The following ZFHX2 variants were observed in gnomAD, a reference collection of about 807,000 sequenced individuals.
ZFHX2 encodes zinc finger homeobox protein 2.
A neutral mutation model predicts 164.8 loss-of-function variants in ZFHX2; 75 were observed. The observed-to-expected ratio is 0.46, with a 90% confidence interval of 0.38 to 0.55. ZFHX2 has a LOEUF of 0.55. Ranked by LOEUF, ZFHX2 falls within the 20% of genes least tolerant of loss-of-function variation. ZFHX2 has a pLI of 0.00. For synonymous variants in ZFHX2, 1,217 were observed against 1,351.4 expected (o/e 0.90, Z 2.18); for missense variants, 2,933 against 3,308.0 (o/e 0.89, Z 2.78).
In ZFHX2 at chr14:23,535,790, C is replaced by T. The variant is rs991954440; in HGVS notation, c.-49-416G>A. 6.6e-6 allele frequency among the ~76,000 whole-genome samples: 1 copy of T among 152,096 alleles called. No homozygotes were observed. The highest frequency in any genetic ancestry group is 1.5e-5 in the Non-Finnish European group (1 of 68,022). The stretch of plus-strand genomic sequence containing the variant: ...TATTTTTAGTAGAGACGGGGTTTCT[C>T]CGTGTTGGTCAGGCTGGTCTCTAAC... On this transcript the variant is annotated intron_variant, in intron 1 of 9. Coordinates refer to ENST00000419474, the MANE Select transcript of ZFHX2 (RefSeq NM_033400.3). The surrounding 1 kb of genome is among the most constrained non-coding windows in gnomAD (Gnocchi z 4.5).
Position 23,525,784 on chromosome 14 carries a change from C to T in ZFHX2, c.4158G>A (p.Val1386=). 3 of 1,498,472 alleles carry T rather than the reference C, an allele frequency of 2.0e-6. No homozygotes were observed. Among genetic ancestry groups the T allele is most frequent in the South Asian group, 1.3e-5 (1 of 76,730 alleles). 92.8% of individuals were successfully genotyped at this position (1,498,472 alleles called of 1,614,324 possible). A position where few individuals can be genotyped will look rare whatever the true frequency, so the allele number is the denominator to read the frequency against. ...GAGGGGTGGCAGCTGGCAGGGACAG[C>T]ACAGGTGCAGGCCCAGCTAGTGTCA... ...PKLTLAGPAP[V]LSLPAATPPP... Residue 1386 remains valine (V), a synonymous_variant, in exon 9 of 10, where the codon GTG becomes GTA. Coordinates refer to ENST00000419474, the MANE Select transcript of ZFHX2 (RefSeq NM_033400.3). This position sits in a 1 kb window ranked among gnomAD's most constrained non-coding sequence, Gnocchi z 5.9.
chr14:23,528,731 C>A (rs959874372), intron 6 of ZFHX2: 9 of 985,414 alleles, frequency 9.1e-6, no homozygotes, highest in Non-Finnish European at 1.1e-5. Flanking sequence ...TGAATAAACA[C>A]CACAGCTCCC....
intron 1 of ZFHX2, among the ~76,000 whole-genome samples, chr14:23,539,546 G>T (rs1024301028): frequency 6.6e-6 from 1 of 152,194 alleles, no homozygotes; most frequent in Non-Finnish European, 1.5e-5. Context: ...AAGGACCGGA[G>T]AATTACAAGA....
intron 1 of ZFHX2, among the ~76,000 whole-genome samples, chr14:23,536,196 A>AC (rs1388519191): frequency 1.3e-5 from 2 of 152,094 alleles, no homozygotes; most frequent in African/African-American, 4.8e-5. Flanking sequence ...ACTGCCCGCT[A>AC]CAGTGTATTT....
chr14:23,532,049 T>C (rs1048201981), intron 3 of ZFHX2: 3 of 195,228 alleles, frequency 1.5e-5, no homozygotes, highest in African/African-American at 4.6e-5. Context: ...GTGCCGGGAC[T>C]ACAGGCGTGA....
chr14:23,540,654 C>G (rs973726441), intron 1 of ZFHX2, among the ~76,000 whole-genome samples: 17 of 152,230 alleles, frequency 1.1e-4, no homozygotes, highest in Non-Finnish European at 1.9e-4. Context: ...AATCCTTGCT[C>G]CATCACTCAC....
chr14:23,524,983 AT>A lies in ZFHX2; in HGVS notation c.4958del (p.Asn1653MetfsTer67). On this transcript the variant is annotated frameshift_variant, in exon 9 of 10. Transcript: ENST00000419474. LOFTEE classifies it high-confidence loss of function. The surrounding 1 kb of genome is among the most constrained non-coding windows in gnomAD (Gnocchi z 5.6). ...TTGGCATGGACCCACCCTCACAGGC[AT>A]TTTTGCGTGCTTTCTGGCGGGCATT... Reference protein sequence around the residue: ...FQNARQKARKNACEGGSMPTG... With the variant: ...FQNARQKARKXACEGGSMPTG... 1 of 1,536,122 alleles carries A rather than the reference AT, an allele frequency of 6.5e-7. No individual in the cohort carries two copies. The highest frequency in any genetic ancestry group is 8.7e-7 in the Non-Finnish European group (1 of 1,146,912).
chr14:23,525,474 A>C lies in ZFHX2; in HGVS notation c.4468T>G (p.Ser1490Ala). The stretch of plus-strand genomic sequence containing the variant: ...TGTGTCTTGAGGATAAGCATATTGG[A>C]GAAGAGTTTCCCACAGGCCCCACAG... ...LACGACGKLF[S>A]NMLILKTHEE... The change falls in exon 9 of 10, where the codon TCC becomes GCC. Residue 1490 changes from serine to alanine, a missense_variant. Ser to Ala is a moderately conservative substitution (Grantham distance 99). Transcript: ENST00000419474. This position sits in a 1 kb window ranked among gnomAD's most constrained non-coding sequence, Gnocchi z 5.9. 6.5e-7 allele frequency: 1 copy of C among 1,535,978 alleles called. No individual in the cohort carries two copies. The highest frequency in any genetic ancestry group is 8.7e-7 in the Non-Finnish European group (1 of 1,146,892).
chr14:23,527,817 T>C lies in ZFHX2; in HGVS notation c.2935-13A>G, dbSNP rs759973234. ...GACAGCAGTATACCTGGAGGGAACA[T>C]ATGGGCAGTGGACGAAGTGTCAGGG... On this transcript the variant is annotated splice_polypyrimidine_tract_variant and intron_variant, in intron 6 of 9. Coordinates refer to ENST00000419474, the MANE Select transcript of ZFHX2 (RefSeq NM_033400.3). 73 of 1,533,914 alleles carry C rather than the reference T, an allele frequency of 4.8e-5. No homozygotes were observed. Among genetic ancestry groups the C allele is most frequent in the Non-Finnish European group, 5.9e-5 (68 of 1,146,314 alleles).
At position 23,524,073 on chromosome 14, in the gene ZFHX2, C is replaced by T. The variant is rs942650878; in HGVS notation, c.5869G>A (p.Glu1957Lys). The change falls in exon 9 of 10, where the codon GAA becomes AAA. Residue 1957 changes from glutamate to lysine, a missense_variant. Physicochemically the swap from Glu to Lys is moderately conservative, Grantham distance 56. Transcript: ENST00000419474. The surrounding 1 kb of genome is among the most constrained non-coding windows in gnomAD (Gnocchi z 5.6). ...GCAGGTGCTTCCCTCTTTGGGGCTT[C>T]CCTCCCAGTGCCATCATCTACCTTG... ...LGKVDDGTGR[E>K]APKREAPAFP... The T allele has an allele frequency of 6.6e-7, 1 of 1,521,850 alleles. No homozygotes were observed. The highest frequency in any genetic ancestry group is 1.4e-5 in the African/African-American group (1 of 72,462). The allele number at this position is 1,521,850 out of a possible 1,614,324, so 94.3% of individuals were successfully genotyped here.
intron 1 of ZFHX2, chr14:23,548,392 C>A (rs1182702383): frequency 6.6e-6 from 1 of 152,182 alleles, no homozygotes; most frequent in South Asian, 2.1e-4. Flanking sequence ...CCTACCAATT[C>A]GACCCAGGCC....
At chr14:23,526,702 C>T in intron 8 of ZFHX2, 23 bp from the exon 9 acceptor site, 1 of 1,535,836 alleles carries the variant, frequency 6.5e-7, no homozygotes, top group Non-Finnish European at 8.7e-7. Flanking sequence ...GAAGAAAGTA[C>T]AATGAGGAGG....
At position 23,521,543 on chromosome 14, in the gene ZFHX2, A is replaced by G. The variant is rs2138634888; in HGVS notation, c.*419T>C. 6.2e-6 allele frequency: 1 copy of G among 161,512 alleles called. No individual in the cohort carries two copies. Among genetic ancestry groups the G allele is most frequent in the East Asian group, 1.8e-4 (1 of 5,480 alleles). The allele number at this position is 161,512 out of a possible 1,614,324, so 10.0% of individuals were successfully genotyped here. A position where few individuals can be genotyped will look rare whatever the true frequency, so the allele number is the denominator to read the frequency against. On this transcript the variant is annotated 3_prime_UTR_variant, in exon 10 of 10. Transcript: ENST00000419474. ...AATTTTTTGGTGTTTTCTCAGTGGA[A>G]CATCATGGGATAACGTGTGTGTGTG...
At chr14:23,553,087 ATAAG>A (rs1490192613), upstream of ZFHX2, among the ~76,000 whole-genome samples, 1 of 152,246 alleles carries the variant, frequency 6.6e-6, no homozygotes, top group East Asian at 1.9e-4. Context: ...CCAATGGCCA[ATAAG>A]TAAGTGACAG....
rs928427975 is a variant in ZFHX2 at position 23,534,827 on chromosome 14, T to C, written c.499A>G (p.Thr167Ala). The change falls in exon 2 of 10, where the codon ACT (threonine) becomes GCT (alanine). Residue 167 changes from threonine (T) to alanine (A), a missense_variant. Transcript: ENST00000419474. The surrounding 1 kb of genome is among the most constrained non-coding windows in gnomAD (Gnocchi z 4.5). Reference protein sequence around the residue: ...FLAYPPPSHLTALHIQHGFDP... With the variant: ...FLAYPPPSHLAALHIQHGFDP... ...AAGCCATGTTGGATGTGAAGGGCAG[T>C]GAGGTGTGAGGGGGGTGGGTAGGCA... is the stretch of plus-strand genomic sequence containing the variant. 11 of 1,536,092 alleles carry C rather than the reference T, an allele frequency of 7.2e-6. No individual in the cohort carries two copies. The highest frequency in any genetic ancestry group is 1.7e-4 in the Middle Eastern group (1 of 5,990).
chr14:23,536,487 G>C (rs1305211987), intron 1 of ZFHX2, among the ~76,000 whole-genome samples: 4 of 152,178 alleles, frequency 2.6e-5, no homozygotes, highest in African/African-American at 4.8e-5. Context: ...TCAGTTGAAA[G>C]ATAACAGCTA....
chr14:23,532,545 G>C, intron 3 of ZFHX2, 22 bp downstream of exon 3: 1 of 1,427,898 alleles, frequency 7.0e-7, no homozygotes, highest in Non-Finnish European at 9.1e-7. Context: ...TCTTCCGATG[G>C]CCCTTCCTGA....
Position 23,524,936 on chromosome 14 carries a change from G to A in ZFHX2, c.5006C>T (p.Ala1669Val), listed in dbSNP as rs61977703. 0.014 allele frequency: 22,033 copies of A among 1,536,238 alleles called. 186 individuals are homozygous for A. The highest frequency in any genetic ancestry group is 0.017 in the Non-Finnish European group (19,505 of 1,146,922). The change falls in exon 9 of 10, where the codon GCC becomes GTC. Residue 1669 changes from alanine to valine, a missense_variant. Ala to Val is a moderately conservative substitution (Grantham distance 64). Transcript: ENST00000419474. The surrounding 1 kb of genome is among the most constrained non-coding windows in gnomAD (Gnocchi z 5.6). ...SMPTGGGTGG[A>V]SGCRRCHATF... ...GGCGTGGCAACGCCTGCAGCCGGAG[G>A]CTCCCCCAGTGCCTCCTCCGGTTGG...
Position 23,525,523 on chromosome 14 carries a change from G to A in ZFHX2, c.4419C>T (p.Ala1473=). ...AGGCCAGCTTGTCCCCACCCCCGAG[G>A]GCCTCAGGTGGGGGTGGGGTAGGGG... is the stretch of plus-strand genomic sequence containing the variant. ...PPPPTPPPPE[A]LGGGDKLACG... is the part of the protein sequence containing the mutation. The change falls in exon 9 of 10, where the codon GCC becomes GCT. Residue 1473 remains alanine, a synonymous_variant. Transcript: ENST00000419474. This position sits in a 1 kb window ranked among gnomAD's most constrained non-coding sequence, Gnocchi z 5.9. 2 of 1,535,698 alleles carry A rather than the reference G, an allele frequency of 1.3e-6. No homozygotes were observed. Among genetic ancestry groups the A allele is most frequent in the South Asian group, 2.4e-5 (2 of 84,042 alleles).
Sources: gnomAD v4.1 joint callset for allele counts (sites outside exome capture counted in the v4.1 genomes callset) on GRCh38, gnomAD v4.1.1 for gene constraint, Gnocchi (gnomAD v3.1) non-coding constraint, MANE v1.5 for transcripts, NCBI Gene and HGNC (gene_info 2026-07-23, HGNC 2026-07-21) for gene names.